Variants in SORCS2 observed in about 807,000 individuals in gnomAD.
SORCS2 encodes the protein sortilin related VPS10 domain containing receptor 2.
SORCS2 carries 100 observed loss-of-function variants against 141.6 expected under a neutral mutation model. That is an observed-to-expected ratio of 0.71 (90% CI 0.60 to 0.83). The LOEUF (loss-of-function observed/expected upper bound fraction) is 0.83, where lower values mean the gene tolerates loss of function less well. Ranked by LOEUF, SORCS2 falls within the 40% of genes least tolerant of loss-of-function variation. The pLI, the probability that SORCS2 is intolerant of heterozygous loss-of-function variation, is 0.00. For synonymous variants in SORCS2, 789 were observed against 676.9 expected, an observed-to-expected ratio of 1.17 and a Z score of -2.57; for missense variants, 1,646 against 1,560.2, an observed-to-expected ratio of 1.05 and a Z score of -0.93.
At chr4:7,711,169 C>T (rs1484194349) in intron 14 of SORCS2, among the ~76,000 whole-genome samples, 1 of 152,210 alleles carries the variant, frequency 6.6e-6, no homozygotes, top group Admixed American at 6.5e-5. Context: ...TAGTGTCTGC[C>T]TCTTGGGACT....
chr4:7,262,576 T>C (rs2108826295), intron 1 of SORCS2, among the ~76,000 whole-genome samples: 1 of 152,324 alleles, frequency 6.6e-6, no homozygotes, highest in African/African-American at 2.4e-5. Flanking sequence ...TCCCAGGTAA[T>C]TGCTGGTAGC....
chr4:7,257,091 G>A (rs1395977921), intron 1 of SORCS2, among the ~76,000 whole-genome samples: 1 of 152,172 alleles, frequency 6.6e-6, no homozygotes, highest in African/African-American at 2.4e-5. Flanking sequence ...GACCTGTGGG[G>A]CAGGAGAGAG....
At chr4:7,356,552 A>G (rs1721264498) in intron 1 of SORCS2, among the ~76,000 whole-genome samples, 1 of 152,122 alleles carries the variant, frequency 6.6e-6, no homozygotes. Context: ...GAGGGCACAG[A>G]TCCACTGTGA....
chr4:7,647,842 T>C (rs777126970), intron 4 of SORCS2, among the ~76,000 whole-genome samples: 4 of 152,238 alleles, frequency 2.6e-5, no homozygotes, highest in Non-Finnish European at 4.4e-5. Context: ...GAACCTGCCA[T>C]GGGAAGCCTG....
intron 1 of SORCS2, among the ~76,000 whole-genome samples, chr4:7,367,983 C>T (rs796243920): frequency 3.9e-5 from 6 of 152,328 alleles, no homozygotes; most frequent in African/African-American, 1.4e-4. Flanking sequence ...GCTTCCCATG[C>T]ACCTAAGTCC....
At chr4:7,339,111 A>G (rs1720212514) in intron 1 of SORCS2, among the ~76,000 whole-genome samples, 1 of 152,180 alleles carries the variant, frequency 6.6e-6, no homozygotes, top group Non-Finnish European at 1.5e-5. Context: ...CCTGGATGTG[A>G]ACTGTGGCCC....
intron 3 of SORCS2, among the ~76,000 whole-genome samples, chr4:7,589,965 G>A (rs993001478): frequency 6.6e-6 from 1 of 152,198 alleles, no homozygotes; most frequent in African/African-American, 2.4e-5. Context: ...CCTGGGGCAC[G>A]GAATGGCGGG....
intron 3 of SORCS2, among the ~76,000 whole-genome samples, chr4:7,574,665 C>T (rs1464550831): frequency 1.3e-5 from 2 of 151,938 alleles, no homozygotes; most frequent in Admixed American, 1.3e-4. Flanking sequence ...GAGGAGATGG[C>T]TGAGTATTTA....
chr4:7,328,381 C>T (rs905149285), intron 1 of SORCS2, among the ~76,000 whole-genome samples: 1 of 151,986 alleles, frequency 6.6e-6, no homozygotes, highest in Non-Finnish European at 1.5e-5. Context: ...CCTCAGGGCT[C>T]TTCTAGGAGG....
At chr4:7,414,093 C>G (rs571760163) in intron 2 of SORCS2, among the ~76,000 whole-genome samples, 2 of 152,296 alleles carry the variant, frequency 1.3e-5, no homozygotes, top group African/African-American at 2.4e-5. Flanking sequence ...GAAAGCTCGA[C>G]AAGGCGAGAC....
intron 2 of SORCS2, among the ~76,000 whole-genome samples, chr4:7,481,510 T>A (rs1033955870): frequency 6.6e-6 from 1 of 152,068 alleles, no homozygotes; most frequent in Admixed American, 6.5e-5. Flanking sequence ...CCGGCAGGGA[T>A]CAAGGGCTCT....
chr4:7,722,605 CTCCTT>C (rs1402871488), intron 18 of SORCS2, among the ~76,000 whole-genome samples: 4 of 152,302 alleles, frequency 2.6e-5, no homozygotes, highest in Non-Finnish European at 5.9e-5. Context: ...AAATCTCCCT[CTCCTT>C]TCTCTTACAC....
chr4:7,599,734 T>C (rs1316709219), intron 3 of SORCS2, among the ~76,000 whole-genome samples: 6 of 152,064 alleles, frequency 3.9e-5, no homozygotes, highest in Non-Finnish European at 8.8e-5. Flanking sequence ...GAGGTGAAAT[T>C]GCAGGGCAGG....
intron 1 of SORCS2, among the ~76,000 whole-genome samples, chr4:7,252,049 G>C (rs1235756635): frequency 2.0e-5 from 3 of 152,194 alleles, no homozygotes; most frequent in Non-Finnish European, 2.9e-5. Flanking sequence ...GGTGGAAAAG[G>C]GTCTGGGAAG....
intron 1 of SORCS2, among the ~76,000 whole-genome samples, chr4:7,209,605 T>G (rs568213998): frequency 6.6e-6 from 1 of 152,122 alleles, no homozygotes; most frequent in African/African-American, 2.4e-5. Flanking sequence ...CTCGACTGCA[T>G]GTTTGGAGCA....
chr4:7,726,978 C>T (rs1210275042), intron 21 of SORCS2, 75 bp downstream of exon 21: 16 of 1,509,612 alleles, frequency 1.1e-5, no homozygotes, highest in South Asian at 7.5e-5. Flanking sequence ...CCACATGGGT[C>T]GCGTAAGCCA....
At chr4:7,271,291 C>T (rs1715110058) in intron 1 of SORCS2, among the ~76,000 whole-genome samples, 1 of 152,234 alleles carries the variant, frequency 6.6e-6, no homozygotes, top group African/African-American at 2.4e-5. Context: ...CTAATGATCC[C>T]AGTGGCCCCA....
chr4:7,516,561 A>G (rs1440186584), intron 2 of SORCS2, among the ~76,000 whole-genome samples: 2 of 151,266 alleles, frequency 1.3e-5, no homozygotes, highest in African/African-American at 4.9e-5. Context: ...CCATGTGGGC[A>G]GGGACCTGGA....
At chr4:7,685,116 G>T (rs1723795625) in intron 10 of SORCS2, among the ~76,000 whole-genome samples, 1 of 152,222 alleles carries the variant, frequency 6.6e-6, no homozygotes, top group Admixed American at 6.5e-5. Context: ...CTGTGAAAGG[G>T]CTAATTTTTG....
Sources: allele counts gnomAD v4.1 joint callset (sites outside exome capture counted in the v4.1 genomes callset), GRCh38; gene constraint gnomAD v4.1.1; transcripts MANE v1.5; gene names NCBI Gene and HGNC (gene_info 2026-07-23, HGNC 2026-07-21).